STOX2: variants seen among roughly 807,000 people sequenced by gnomAD.
STOX2 encodes the protein storkhead box 2.
In STOX2, 28 loss-of-function variants were observed where a neutral mutation model predicts 60.9. The observed-to-expected ratio is 0.46, with a 90% CI of 0.34 to 0.63. The LOEUF is 0.63. Ranked by LOEUF, STOX2 falls within the 30% of genes least tolerant of loss-of-function variation. STOX2 has a pLI of 0.01. For synonymous variants in STOX2, 472 were observed against 463.9 expected (o/e 1.02, Z -0.22); for missense variants, 1,024 against 1,187.7 (o/e 0.86, Z 2.03).
chr4:183,846,528 G>A (rs1739994542), intron 1 of STOX2, among the ~76,000 whole-genome samples: 1 of 151,984 alleles, frequency 6.6e-6, no homozygotes, highest in Non-Finnish European at 1.5e-5. Flanking sequence ...TCTTTCTTCT[G>A]TCTCTTTAAA....
At chr4:183,807,622 C>T (rs186363893) in intron 1 of STOX2, among the ~76,000 whole-genome samples, 1 of 152,322 alleles carries the variant, frequency 6.6e-6, no homozygotes, top group East Asian at 1.9e-4. Context: ...CACACCCACC[C>T]CACTCCCAGC....
chr4:183,919,611 T>C (rs1384266113), intron 1 of STOX2, among the ~76,000 whole-genome samples: 1 of 152,124 alleles, frequency 6.6e-6, no homozygotes, highest in Non-Finnish European at 1.5e-5. Context: ...ATTGTTGTTA[T>C]TGGGATTGTT....
At chr4:183,935,452 A>G (rs568732503) in intron 1 of STOX2, among the ~76,000 whole-genome samples, 1 of 152,372 alleles carries the variant, frequency 6.6e-6, no homozygotes, top group South Asian at 2.1e-4. Context: ...ATAAGGGTGA[A>G]TAAGTCTATC....
intron 1 of STOX2, among the ~76,000 whole-genome samples, chr4:183,892,937 T>C (rs1441552536): frequency 6.6e-6 from 1 of 152,160 alleles, no homozygotes; most frequent in Non-Finnish European, 1.5e-5. Flanking sequence ...AATTTAGCTT[T>C]AAAAATGTAT....
intron 1 of STOX2, among the ~76,000 whole-genome samples, chr4:183,938,857 A>T (rs1742666935): frequency 6.6e-6 from 1 of 152,166 alleles, no homozygotes; most frequent in Non-Finnish European, 1.5e-5. Context: ...CACTTGTAGC[A>T]TCCGTTGCTA....
chr4:183,894,827 C>T (rs1741304054), intron 1 of STOX2, among the ~76,000 whole-genome samples: 3 of 152,146 alleles, frequency 2.0e-5, no homozygotes, highest in Admixed American at 2.0e-4. Context: ...GTGGATTTAA[C>T]TCTCTCGGTC....
chr4:183,906,026 G>A lies in STOX2; in HGVS notation c.-765G>A, dbSNP rs1741585400. On this transcript the variant is annotated 5_prime_UTR_variant, in exon 1 of 4. Transcript: ENST00000308497. The stretch of plus-strand genomic sequence containing the variant: ...AGATTGACGAGGCGCTGCAGTCGCG[G>A]GGACGACGCGGGCTCTTCCTGGATT... 6.6e-6 allele frequency: 1 copy of A among 152,222 alleles called. No individual in the cohort carries two copies. The highest frequency in any genetic ancestry group is 2.4e-5 in the African/African-American group (1 of 41,464). 9.4% of individuals were successfully genotyped at this position (152,222 alleles called of 1,614,324 possible).
chr4:183,995,906 G>C (rs554287295), intron 1 of STOX2, among the ~76,000 whole-genome samples: 6 of 152,178 alleles, frequency 3.9e-5, no homozygotes, highest in Non-Finnish European at 7.3e-5. Context: ...GGGCTGTTCC[G>C]CCTCTCCTGG....
chr4:184,011,582 T>C lies in STOX2; in HGVS notation c.2585+159T>C, dbSNP rs1352168270. 2.0e-6 allele frequency: 3 copies of C among 1,537,372 alleles called. No homozygotes were observed. The highest frequency in any genetic ancestry group is 2.6e-6 in the Non-Finnish European group (3 of 1,145,972). On this transcript the variant is annotated intron_variant, in intron 3 of 3. Transcript: ENST00000308497. This position sits in a 1 kb window ranked among gnomAD's most constrained non-coding sequence, Gnocchi z 4.4. ...TTAACAATCTGTTTCTGACTTCTTT[T>C]TCAGGAATTGAAAAAAATGTTTCTG...
chr4:184,002,715 A>G (rs1405395381), intron 2 of STOX2, among the ~76,000 whole-genome samples: 1 of 152,190 alleles, frequency 6.6e-6, no homozygotes, highest in Non-Finnish European at 1.5e-5. Flanking sequence ...CAAACCTGCT[A>G]AACTCAAAGT....
intron 3 of STOX2, chr4:184,014,733 T>C (rs1169445159): frequency 6.6e-6 from 1 of 152,194 alleles, no homozygotes; most frequent in Non-Finnish European, 1.5e-5. Flanking sequence ...AATACATTCT[T>C]TACCACAATT....
At chr4:183,891,620 G>A (rs536216972) in intron 1 of STOX2, among the ~76,000 whole-genome samples, 2 of 151,640 alleles carry the variant, frequency 1.3e-5, no homozygotes, top group Non-Finnish European at 2.9e-5. Flanking sequence ...AAGGGTGGGA[G>A]GGGGTGAGGG....
chr4:183,921,632 C>A (rs1052789103), intron 1 of STOX2, among the ~76,000 whole-genome samples: 1 of 152,068 alleles, frequency 6.6e-6, no homozygotes, highest in Non-Finnish European at 1.5e-5. Flanking sequence ...AAATCTAGCA[C>A]CTACATAATC....
intron 1 of STOX2, among the ~76,000 whole-genome samples, chr4:183,949,453 A>G (rs1221720456): frequency 6.6e-6 from 1 of 151,950 alleles, no homozygotes; most frequent in Non-Finnish European, 1.5e-5. Context: ...TAATCCCAGC[A>G]CTTAGGGAGG....
chr4:183,812,168 G>A (rs1739050488), intron 1 of STOX2, among the ~76,000 whole-genome samples: 1 of 152,202 alleles, frequency 6.6e-6, no homozygotes, highest in Non-Finnish European at 1.5e-5. Context: ...CTGAGCTCAA[G>A]CAACCCTTTT....
chr4:183,817,031 G>A (rs73008734), intron 1 of STOX2, among the ~76,000 whole-genome samples: 11,198 of 152,240 alleles, frequency 0.074, 1,283 homozygotes, highest in African/African-American at 0.25. Context: ...AGCTCTGATA[G>A]TTGCAATTGT....
intron 1 of STOX2, among the ~76,000 whole-genome samples, chr4:183,844,590 G>A (rs1739944087): frequency 6.6e-6 from 1 of 152,160 alleles, no homozygotes; most frequent in Non-Finnish European, 1.5e-5. Context: ...AAAAAGTCAT[G>A]TTAGTAATAA....
At chr4:183,833,230 T>C (rs1739616560) in intron 1 of STOX2, among the ~76,000 whole-genome samples, 1 of 152,168 alleles carries the variant, frequency 6.6e-6, no homozygotes, top group Non-Finnish European at 1.5e-5. Flanking sequence ...GTAGGAGCGT[T>C]TGTGCTTTGC....
intron 1 of STOX2, among the ~76,000 whole-genome samples, chr4:183,889,790 T>C (rs1031432293): frequency 1.3e-5 from 2 of 152,220 alleles, no homozygotes; most frequent in Middle Eastern, 6.8e-3. Context: ...CCTTTCCATA[T>C]ATATGTGGAG....
Sources: allele counts gnomAD v4.1 joint callset (sites outside exome capture counted in the v4.1 genomes callset), GRCh38; gene constraint gnomAD v4.1.1; non-coding constraint Gnocchi (gnomAD v3.1); transcripts MANE v1.5; gene names NCBI Gene and HGNC (gene_info 2026-07-23, HGNC 2026-07-21).